The following SNAP91 variants were observed in gnomAD, a reference collection of about 807,000 sequenced individuals.
The protein encoded by SNAP91 is synaptosome associated protein 91.
Under a neutral mutation model 100.3 loss-of-function variants are expected in SNAP91, and 27 were observed. The ratio of observed to expected loss-of-function variants is 0.27; its 90% CI spans 0.20 to 0.37. The LOEUF (loss-of-function observed/expected upper bound fraction) is 0.37. SNAP91 is among the 10% of genes least tolerant of loss of function. SNAP91 has a pLI of 1.00. For synonymous variants in SNAP91, 404 were observed against 398.6 expected (o/e 1.01, Z -0.16); for missense variants, 986 against 1,123.7 (o/e 0.88, Z 1.75).
At chr6:83,704,750 A>G (rs2099357691) in intron 2 of SNAP91, among the ~76,000 whole-genome samples, 4 of 152,124 alleles carry the variant, frequency 2.6e-5, no homozygotes. Flanking sequence ...TAAACTCCAA[A>G]CTAAAAAGTT....
intron 2 of SNAP91, among the ~76,000 whole-genome samples, chr6:83,677,368 T>C (rs145407158): frequency 3.2e-4 from 49 of 152,294 alleles, no homozygotes; most frequent in Middle Eastern, 3.4e-3. Context: ...TGATTATGAT[T>C]CTTCTGACCA....
At chr6:83,643,897 T>C (rs2097810125) in intron 7 of SNAP91, among the ~76,000 whole-genome samples, 1 of 152,152 alleles carries the variant, frequency 6.6e-6, no homozygotes, top group Admixed American at 6.6e-5. Context: ...TGACCAAATC[T>C]AAGGATACTT....
chr6:83,701,599 A>AC (rs2099311371), intron 2 of SNAP91, among the ~76,000 whole-genome samples: 1 of 152,050 alleles, frequency 6.6e-6, no homozygotes, highest in South Asian at 2.1e-4. Context: ...GGTGCCTGCC[A>AC]CCACACCTGG....
rs377581884 is a variant in SNAP91, at chr6:83,617,011, T to G, written c.836A>C (p.Glu279Ala). The change falls in exon 10 of 30, where the codon GAA becomes GCA. Residue 279 changes from glutamate to alanine, a missense_variant. By Grantham distance (107) the Glu-to-Ala change is moderately radical. Coordinates refer to ENST00000369694, the MANE Select transcript of SNAP91 (RefSeq NM_001242792.2). Reference protein sequence around the residue: ...QAPSSLMETLEQHLNTLEGKK... With the variant: ...QAPSSLMETLAQHLNTLEGKK... ...TCCTTCTAATGTATTTAGATGCTGT[T>G]CAAGCGTCTCCATAAGACTGCTGGG... 7 of 1,548,330 alleles carry G rather than the reference T, an allele frequency of 4.5e-6. No homozygotes were observed. In the African/African-American group the frequency reaches 6.9e-5, roughly 15 times the overall value.
At chr6:83,606,674 C>A (rs181980091) in intron 13 of SNAP91, among the ~76,000 whole-genome samples, 52 of 152,296 alleles carry the variant, frequency 3.4e-4, no homozygotes, top group African/African-American at 1.2e-3. Context: ...CCTTCATAAA[C>A]AGCAGTTTCA....
chr6:83,557,842 T>G (rs980258823), intron 28 of SNAP91, among the ~76,000 whole-genome samples: 1 of 151,948 alleles, frequency 6.6e-6, no homozygotes, highest in Non-Finnish European at 1.5e-5. Flanking sequence ...TACCAGCCAA[T>G]GAAAGAATGC....
chr6:83,678,987 G>T, intron 2 of SNAP91: 2 of 677,414 alleles, frequency 3.0e-6, no homozygotes, highest in Non-Finnish European at 3.9e-6. Context: ...TATCCACAAG[G>T]TCCACATCCT....
chr6:83,606,234 A>G (rs1233365423), intron 13 of SNAP91, among the ~76,000 whole-genome samples: 3 of 152,156 alleles, frequency 2.0e-5, no homozygotes, highest in Non-Finnish European at 4.4e-5. Context: ...TTTTGTATAG[A>G]AAAAAAATTC....
chr6:83,622,256 T>C lies in SNAP91; in HGVS notation c.807+1045A>G, dbSNP rs528123602. Among the ~76,000 whole-genome samples, 18 of 152,190 alleles carry C rather than the reference T, an allele frequency of 1.2e-4. No individual in the cohort carries two copies. In the South Asian group the frequency reaches 3.7e-3, roughly 32 times the overall value. ...GTTCTGGATTGCTCTGTGAATTTTA[T>C]TCATAAAGAATTCTTGATATTTAAT... On this transcript the variant is annotated intron_variant, in intron 9 of 29. Coordinates refer to ENST00000369694, the MANE Select transcript of SNAP91 (RefSeq NM_001242792.2).
At chr6:83,644,636 A>G (rs983793030) in intron 7 of SNAP91, among the ~76,000 whole-genome samples, 9 of 152,186 alleles carry the variant, frequency 5.9e-5, no homozygotes, top group African/African-American at 2.2e-4. Flanking sequence ...AAGAAACCAA[A>G]TGAAAAAAAT....
intron 24 of SNAP91, among the ~76,000 whole-genome samples, chr6:83,578,207 C>T (rs932789966): frequency 2.6e-5 from 4 of 152,204 alleles, no homozygotes; most frequent in Middle Eastern, 3.4e-3. Context: ...TGTGCATACA[C>T]ATTTTCATTT....
At chr6:83,698,334 AAAAAAAAAG>A (rs912200323) in intron 2 of SNAP91, among the ~76,000 whole-genome samples, 1 of 151,730 alleles carries the variant, frequency 6.6e-6, no homozygotes, top group African/African-American at 2.4e-5. Flanking sequence ...GCCAAAAAAA[AAAAAAAAAG>A]AAAGAAATTG....
chr6:83,677,201 G>C (rs906034230), intron 2 of SNAP91, among the ~76,000 whole-genome samples: 3 of 152,164 alleles, frequency 2.0e-5, no homozygotes, highest in East Asian at 1.9e-4. Context: ...CACATCCAAA[G>C]GGATGTCTAC....
Position 83,592,946 on chromosome 6 carries a change from C to T in SNAP91, c.1846G>A (p.Val616Met). Reference sequence around the variant, plus strand: ...GTCCTGACCTTGGCAAAGCACTCACCAGATAAGAGGTCAGCAGTGAGAGAA... The same window carrying T: ...GTCCTGACCTTGGCAAAGCACTCACTAGATAAGAGGTCAGCAGTGAGAGAA... The part of the protein sequence containing the change: ...ESSLTADLLS[V>M]DAFAAPSPAT... Residue 616 changes from valine to methionine, a missense_variant and splice_region_variant, in exon 20 of 30, where the codon GTG (valine) becomes ATG (methionine). Around this residue, in one of 4 missense-constraint regions of SNAP91, gnomAD observed 575 missense variants for 579.9 expected, o/e 0.99. Transcript: ENST00000369694. 1 of 1,578,140 alleles carries T rather than the reference C, an allele frequency of 6.3e-7. No individual in the cohort carries two copies. Among genetic ancestry groups the T allele is most frequent in the Non-Finnish European group, 8.6e-7 (1 of 1,161,244 alleles).
chr6:83,665,516 G>A lies in SNAP91; in HGVS notation c.196C>T (p.Arg66Trp), dbSNP rs958014633. ...IPQMADTLFE[R>W]ATNSSWVVVF... Reference sequence around the variant, plus strand: ...ACCACCCAGCTACTGTTTGTTGCCCGCTCAAAGAGAGTGTCGGCCATCTGA... The same window carrying A: ...ACCACCCAGCTACTGTTTGTTGCCCACTCAAAGAGAGTGTCGGCCATCTGA... Residue 66 changes from arginine (R) to tryptophan (W), a missense_variant, in exon 3 of 30, where the codon CGG becomes TGG. By Grantham distance (101) the Arg-to-Trp change is moderately radical (BLOSUM62 -3). Around this residue, in one of 4 missense-constraint regions of SNAP91, gnomAD observed 330 missense variants for 447.5 expected, o/e 0.74. Coordinates refer to ENST00000369694, the MANE Select transcript of SNAP91 (RefSeq NM_001242792.2). 2.5e-6 allele frequency: 4 copies of A among 1,612,410 alleles called. No individual in the cohort carries two copies. Among genetic ancestry groups the A allele is most frequent in the African/African-American group, 1.3e-5 (1 of 74,732 alleles).
chr6:83,681,012 T>A (rs1008197006), intron 2 of SNAP91, among the ~76,000 whole-genome samples: 1 of 152,124 alleles, frequency 6.6e-6, no homozygotes, highest in East Asian at 1.9e-4. Context: ...TATGTGTGCA[T>A]AGTGCTTACA....
intron 2 of SNAP91, among the ~76,000 whole-genome samples, chr6:83,695,902 G>A (rs184858289): frequency 7.2e-6 from 1 of 138,198 alleles, no homozygotes; most frequent in Admixed American, 7.6e-5. Context: ...TAAAAATTAA[G>A]CAACTCCTTT....
intron 8 of SNAP91, among the ~76,000 whole-genome samples, chr6:83,627,285 G>C (rs1172668594): frequency 6.6e-6 from 1 of 151,912 alleles, no homozygotes; most frequent in Admixed American, 6.6e-5. Context: ...ATCTATGTTT[G>C]TCAGGGATAT....
chr6:83,663,777 A>G (rs549948347), intron 3 of SNAP91, among the ~76,000 whole-genome samples: 4 of 152,196 alleles, frequency 2.6e-5, no homozygotes, highest in Non-Finnish European at 5.9e-5. Context: ...TACATGAAAC[A>G]GATTTTCAAT....
Sources: gnomAD v4.1 joint callset for allele counts (sites outside exome capture counted in the v4.1 genomes callset) on GRCh38, gnomAD v4.1.1 for gene constraint, gnomAD v4.1.1 regional missense constraint, MANE v1.5 for transcripts, NCBI Gene and HGNC (gene_info 2026-07-23, HGNC 2026-07-21) for gene names.